FRMD6: variants seen among roughly 807,000 people sequenced by gnomAD.
FRMD6 encodes the protein FERM domain-containing protein 6.
A neutral mutation model predicts 73.2 loss-of-function variants in FRMD6; 37 were observed. The ratio of observed to expected loss-of-function variants is 0.51; its 90% CI spans 0.39 to 0.66. The LOEUF is 0.66. Ranked by LOEUF, FRMD6 falls within the 30% of genes least tolerant of loss-of-function variation. FRMD6 has a pLI of 0.00. For synonymous variants in FRMD6, 273 were observed against 282.2 expected, an observed-to-expected ratio of 0.97 and a Z score of 0.33; for missense variants, 714 against 780.5, an observed-to-expected ratio of 0.91 and a Z score of 1.02.
chr14:51,605,119 A>G (rs925371198), intron 2 of FRMD6, among the ~76,000 whole-genome samples: 4 of 128,536 alleles, frequency 3.1e-5, no homozygotes, highest in Admixed American at 3.1e-4. Flanking sequence ...TTTTTATGCT[A>G]TTTACTTCTC....
At chr14:51,655,699 A>G (rs1201326501) in intron 1 of FRMD6, among the ~76,000 whole-genome samples, 2 of 152,220 alleles carry the variant, frequency 1.3e-5, no homozygotes, top group African/African-American at 4.8e-5. Flanking sequence ...ACTGTTTAGA[A>G]GTGTAGATTA....
Position 51,639,580 on chromosome 14 carries a change from G to A in FRMD6, c.-146-50111G>A, listed in dbSNP as rs764234102. Among the ~76,000 whole-genome samples the A allele has an allele frequency of 2.4e-4, 37 of 152,112 alleles. 1 individual carries two copies. Among genetic ancestry groups the A allele is most frequent in the Non-Finnish European group, 1.3e-4 (9 of 68,024 alleles). On this transcript the variant is annotated intron_variant, in intron 2 of 14. Transcript: ENST00000356218. ...ATGATGTGCTGTTATGACTAAATTA[G>A]ATAATAAACCTAAACTTGGCATAGC... is the stretch of plus-strand genomic sequence containing the variant.
chr14:51,544,149 T>G (rs920083594), intron 1 of FRMD6, among the ~76,000 whole-genome samples: 11 of 152,060 alleles, frequency 7.2e-5, no homozygotes, highest in African/African-American at 2.7e-4. Flanking sequence ...TTATTTCATC[T>G]GTGAAGATTT....
chr14:51,544,972 C>T (rs998531805), intron 1 of FRMD6, among the ~76,000 whole-genome samples: 41 of 151,970 alleles, frequency 2.7e-4, no homozygotes, highest in Non-Finnish European at 4.0e-4. Context: ...ATAAATTTCC[C>T]GAACCATTTG....
the FRMD6 span, among the ~76,000 whole-genome samples, chr14:51,479,894 G>A: frequency 6.6e-6 from 1 of 152,210 alleles, no homozygotes; most frequent in Non-Finnish European, 1.5e-5. Context: ...GTGACTCAGT[G>A]ACTGTGTATT....
upstream of FRMD6, among the ~76,000 whole-genome samples, chr14:51,486,596 A>G (rs781743940): frequency 1.3e-5 from 2 of 152,238 alleles, no homozygotes; most frequent in East Asian, 1.9e-4. Flanking sequence ...AAAGGAATCA[A>G]ATTTCATACT....
At chr14:51,631,165 A>G (rs1891321738) in intron 2 of FRMD6, among the ~76,000 whole-genome samples, 1 of 152,194 alleles carries the variant, frequency 6.6e-6, no homozygotes, top group African/African-American at 2.4e-5. Context: ...TTTTTGAGTA[A>G]TAGTTCTGCT....
chr14:51,567,197 G>T (rs1011448425), intron 1 of FRMD6, among the ~76,000 whole-genome samples: 2 of 152,192 alleles, frequency 1.3e-5, no homozygotes, highest in Non-Finnish European at 2.9e-5. Context: ...AAGAAAAAAT[G>T]TATTTTAATG....
intron 1 of FRMD6, among the ~76,000 whole-genome samples, chr14:51,519,973 C>T (rs1353014516): frequency 2.6e-5 from 4 of 152,100 alleles, no homozygotes; most frequent in African/African-American, 4.8e-5. Flanking sequence ...ACCCATTGTG[C>T]CCTAAGGAAT....
At chr14:51,506,317 C>T (rs913259989) in intron 1 of FRMD6, among the ~76,000 whole-genome samples, 2 of 152,192 alleles carry the variant, frequency 1.3e-5, no homozygotes, top group Admixed American at 6.5e-5. Context: ...TTATACAGTA[C>T]AGCTCCTATA....
intron 1 of FRMD6, among the ~76,000 whole-genome samples, chr14:51,560,315 G>A (rs1887403731): frequency 6.6e-6 from 1 of 152,126 alleles, no homozygotes; most frequent in Admixed American, 6.5e-5. Context: ...TTATATCAGT[G>A]TCATATATTT....
intron 1 of FRMD6, among the ~76,000 whole-genome samples, chr14:51,560,614 A>T (rs7145709): frequency 0.018 from 2,742 of 152,274 alleles, 82 homozygotes; most frequent in African/African-American, 0.062. Context: ...CCTCCCAAGT[A>T]GCTGGGATTA....
chr14:51,571,634 C>G (rs893877994), intron 2 of FRMD6, among the ~76,000 whole-genome samples: 1 of 152,126 alleles, frequency 6.6e-6, no homozygotes. Flanking sequence ...GAAGATGATG[C>G]CTCATTTGCA....
intron 1 of FRMD6, among the ~76,000 whole-genome samples, chr14:51,494,118 T>C (rs1163004177): frequency 7.3e-6 from 1 of 136,104 alleles, no homozygotes; most frequent in Admixed American, 6.9e-5. Context: ...TATCATTCTG[T>C]CCCAGTCCCC....
Position 51,601,290 on chromosome 14 carries a change from C to A in FRMD6, c.-147+30880C>A, listed in dbSNP as rs541012272. ...GCTTGTTTTAGTTTCCCGAGACCAC[C>A]TTTCTATGAGACCTCAGAGAAGGGT... On this transcript the variant is annotated intron_variant, in intron 2 of 14. Transcript: ENST00000356218. Among the ~76,000 whole-genome samples the A allele has an allele frequency of 8.5e-5, 13 of 152,272 alleles. No homozygotes were observed. The South Asian group carries it at 1.2e-3, about 15-fold the overall frequency.
chr14:51,635,499 A>C (rs1034129136), intron 2 of FRMD6, among the ~76,000 whole-genome samples: 9 of 152,242 alleles, frequency 5.9e-5, no homozygotes, highest in Admixed American at 3.3e-4. Context: ...TCTTCAGCAT[A>C]TCAGTAAAAG....
chr14:51,584,051 A>T (rs1359645458), intron 2 of FRMD6: 1 of 152,242 alleles, frequency 6.6e-6, no homozygotes, highest in African/African-American at 2.4e-5. Context: ...TCATTAGTGC[A>T]TTCATATACT....
intron 1 of FRMD6, among the ~76,000 whole-genome samples, chr14:51,550,268 T>C (rs1339647096): frequency 1.3e-5 from 2 of 148,494 alleles, no homozygotes; most frequent in South Asian, 4.3e-4. Flanking sequence ...AAACAATTAC[T>C]GGTTCTGTTG....
At chr14:51,545,929 G>A (rs1041034831) in intron 1 of FRMD6, among the ~76,000 whole-genome samples, 2 of 151,982 alleles carry the variant, frequency 1.3e-5, no homozygotes, top group African/African-American at 4.8e-5. Context: ...ATAGCATTGT[G>A]ATCTTGACAA....
Sources: gnomAD v4.1 joint callset for allele counts (sites outside exome capture counted in the v4.1 genomes callset) on GRCh38, gnomAD v4.1.1 for gene constraint, MANE v1.5 for transcripts, NCBI Gene and HGNC (gene_info 2026-07-23, HGNC 2026-07-21) for gene names.